ARHGAP42: variants seen among roughly 807,000 people sequenced by gnomAD.
ARHGAP42 encodes the protein Rho GTPase activating protein 42.
Under a neutral mutation model 125.0 loss-of-function variants are expected in ARHGAP42, and 63 were observed. That is an observed-to-expected ratio of 0.50 (90% CI 0.41 to 0.62). The LOEUF (loss-of-function observed/expected upper bound fraction) is 0.62. Among genes scored for constraint, ARHGAP42 ranks in the 20% least tolerant of loss-of-function variants. The pLI is 0.00. For missense variants in ARHGAP42, 766 were observed against 1,024.2 expected (o/e 0.75, Z 3.44); for synonymous variants, 339 against 351.0 (o/e 0.97, Z 0.38).
intron 3 of ARHGAP42, among the ~76,000 whole-genome samples, chr11:100,803,806 T>A (rs780640057): frequency 1.1e-4 from 16 of 152,228 alleles, no homozygotes; most frequent in Non-Finnish European, 2.4e-4. Context: ...TGGCTATATC[T>A]TTGTCACCAG....
chr11:100,833,655 T>C lies in ARHGAP42; in HGVS notation c.313-25899T>C, dbSNP rs533465891. On this transcript the variant is annotated intron_variant, in intron 3 of 23. Coordinates refer to ENST00000298815, the MANE Select transcript of ARHGAP42 (RefSeq NM_152432.4). ...CTTCAGGGTAGCCAGATTTCTTACA[T>C]GTAATATGACTTCCAAAACTTCTGT... is the stretch of plus-strand genomic sequence containing the variant. Among the ~76,000 whole-genome samples the C allele has an allele frequency of 1.4e-4, 22 of 152,334 alleles. No individual in the cohort carries two copies. In the South Asian group the frequency reaches 1.9e-3, roughly 13 times the overall value.
At chr11:100,818,107 A>G (rs143450173) in intron 3 of ARHGAP42, among the ~76,000 whole-genome samples, 3 of 152,286 alleles carry the variant, frequency 2.0e-5, no homozygotes, top group African/African-American at 7.2e-5. Flanking sequence ...GAGGCTAGCA[A>G]TGCCTGCTGA....
chr11:100,862,724 T>C (rs1055362662), intron 4 of ARHGAP42, among the ~76,000 whole-genome samples: 1 of 152,052 alleles, frequency 6.6e-6, no homozygotes, highest in African/African-American at 2.4e-5. Context: ...GTAAAGTGAA[T>C]AGTGAATTAA....
intron 1 of ARHGAP42, among the ~76,000 whole-genome samples, chr11:100,769,451 G>T (rs73575539): frequency 0.013 from 2,011 of 152,216 alleles, 59 homozygotes; most frequent in African/African-American, 0.045. Flanking sequence ...CATAAATAAA[G>T]AATTCTTTTT....
intron 4 of ARHGAP42, among the ~76,000 whole-genome samples, chr11:100,893,963 T>A (rs1420530611): frequency 1.3e-5 from 2 of 152,190 alleles, no homozygotes; most frequent in Non-Finnish European, 2.9e-5. Flanking sequence ...AAATAATGAA[T>A]CACCCCATGC....
At chr11:100,918,653 T>A (rs1397593810) in intron 5 of ARHGAP42, among the ~76,000 whole-genome samples, 3 of 152,206 alleles carry the variant, frequency 2.0e-5, no homozygotes, top group Non-Finnish European at 2.9e-5. Flanking sequence ...GAGATCTATT[T>A]TAACTAAAAG....
chr11:100,791,198 A>T (rs1418399211), intron 2 of ARHGAP42, among the ~76,000 whole-genome samples: 4 of 152,102 alleles, frequency 2.6e-5, no homozygotes, highest in Non-Finnish European at 5.9e-5. Flanking sequence ...ATGTCTAGGG[A>T]GCTGCTGGGG....
chr11:100,713,540 A>T (rs1861599084), intron 1 of ARHGAP42, among the ~76,000 whole-genome samples: 3 of 152,204 alleles, frequency 2.0e-5, no homozygotes, highest in Admixed American at 1.3e-4. Flanking sequence ...TAATTAAATT[A>T]ATTCATTTTT....
At chr11:100,727,906 G>T (rs927175886) in intron 1 of ARHGAP42, among the ~76,000 whole-genome samples, 16 of 152,162 alleles carry the variant, frequency 1.1e-4, no homozygotes, top group Non-Finnish European at 1.9e-4. Flanking sequence ...ATAACCTAAG[G>T]CCCTACTACT....
intron 3 of ARHGAP42, among the ~76,000 whole-genome samples, chr11:100,797,490 A>T (rs1171637328): frequency 6.6e-6 from 1 of 152,148 alleles, no homozygotes; most frequent in African/African-American, 2.4e-5. Context: ...AATTATGCTA[A>T]ATCTACCCTG....
intron 6 of ARHGAP42, among the ~76,000 whole-genome samples, chr11:100,928,302 A>G (rs1442408321): frequency 6.6e-6 from 1 of 152,152 alleles, no homozygotes; most frequent in Non-Finnish European, 1.5e-5. Flanking sequence ...TTATTTTTTA[A>G]AAACAACTTC....
At chr11:100,933,620 G>T (rs1235050301) in intron 7 of ARHGAP42, among the ~76,000 whole-genome samples, 2 of 152,106 alleles carry the variant, frequency 1.3e-5, no homozygotes, top group Non-Finnish European at 2.9e-5. Flanking sequence ...TACACAGATG[G>T]TAACTGTGGT....
chr11:100,865,261 A>G (rs1204508076), intron 4 of ARHGAP42, among the ~76,000 whole-genome samples: 4 of 152,184 alleles, frequency 2.6e-5, no homozygotes, highest in Non-Finnish European at 5.9e-5. Flanking sequence ...AGCATGTAAT[A>G]TCCAAAAAAA....
At chr11:100,706,253 T>C (rs1861481531) in intron 1 of ARHGAP42, among the ~76,000 whole-genome samples, 1 of 152,198 alleles carries the variant, frequency 6.6e-6, no homozygotes, top group Admixed American at 6.5e-5. Context: ...CCTGTTTCTC[T>C]CCCTAGCAAG....
intron 22 of ARHGAP42, among the ~76,000 whole-genome samples, chr11:100,980,210 C>G (rs183505933): frequency 2.0e-5 from 3 of 152,216 alleles, no homozygotes; most frequent in East Asian, 1.9e-4. Flanking sequence ...TCAGCAGTGT[C>G]TTTATCTTCC....
At chr11:100,717,505 C>T (rs921559976) in intron 1 of ARHGAP42, among the ~76,000 whole-genome samples, 7 of 151,802 alleles carry the variant, frequency 4.6e-5, no homozygotes, top group African/African-American at 9.7e-5. Flanking sequence ...GACGTGGTGG[C>T]GGGCGCCTGT....
At chr11:100,926,442 C>T (rs1241166162) in intron 6 of ARHGAP42, among the ~76,000 whole-genome samples, 3 of 152,056 alleles carry the variant, frequency 2.0e-5, no homozygotes, top group Non-Finnish European at 2.9e-5. Context: ...TTTGCTCTGG[C>T]CAAATAAAAT....
chr11:100,820,766 T>C (rs999522868), intron 3 of ARHGAP42, among the ~76,000 whole-genome samples: 29 of 152,290 alleles, frequency 1.9e-4, no homozygotes, highest in African/African-American at 6.3e-4. Context: ...AGGCTTAGTT[T>C]GTTTTGTCTA....
chr11:100,787,333 G>A (rs1015649458), intron 2 of ARHGAP42, among the ~76,000 whole-genome samples: 10 of 151,706 alleles, frequency 6.6e-5, no homozygotes, highest in African/African-American at 2.4e-4. Flanking sequence ...CTGCCACCAT[G>A]TAAGACATGC....
Sources: gnomAD v4.1 joint callset for allele counts (sites outside exome capture counted in the v4.1 genomes callset) on GRCh38, gnomAD v4.1.1 for gene constraint, MANE v1.5 for transcripts, NCBI Gene and HGNC (gene_info 2026-07-23, HGNC 2026-07-21) for gene names.